ELOVL5: variants seen among roughly 807,000 people sequenced by gnomAD.
The protein encoded by ELOVL5 is very long chain fatty acid elongase 5.
In ELOVL5, 8 loss-of-function variants were observed where a neutral mutation model predicts 38.6. That is an observed-to-expected ratio of 0.21 (90% confidence interval 0.12 to 0.37). The LOEUF (loss-of-function observed/expected upper bound fraction) is 0.37. ELOVL5 is among the 10% of genes least tolerant of loss of function. The pLI, the probability that ELOVL5 is intolerant of heterozygous loss-of-function variation, is 1.00. For missense variants in ELOVL5, 280 were observed against 367.8 expected (o/e 0.76, Z 1.95); for synonymous variants, 127 against 133.7 (o/e 0.95, Z 0.34).
intron 1 of ELOVL5, among the ~76,000 whole-genome samples, chr6:53,314,231 CTTCAT>C (rs568878920): frequency 1.5e-3 from 222 of 152,256 alleles, no homozygotes; most frequent in African/African-American, 4.0e-3. Context: ...ATGATTTTTC[CTTCAT>C]TTCAATTCTC....
chr6:53,324,236 G>A lies in ELOVL5; in HGVS notation c.-9+24581C>T, dbSNP rs1256033339. 4.5e-5 allele frequency among the ~76,000 whole-genome samples: 5 copies of A among 110,954 alleles called. No homozygotes were observed. The East Asian group carries it at 1.0e-3, about 23-fold the overall frequency. The allele number at this position is 110,954 out of a possible 152,430, so 72.8% of individuals were successfully genotyped here. ...CTACTGCACTCCAGCCTGGGAGACA[G>A]AACGAGACTCTACCTCAAAAAAAAA... On this transcript the variant is annotated intron_variant, in intron 1 of 7. Coordinates refer to ENST00000304434, the MANE Select transcript of ELOVL5 (RefSeq NM_021814.5).
intron 1 of ELOVL5, among the ~76,000 whole-genome samples, chr6:53,304,699 C>T (rs1247076570): frequency 1.3e-5 from 2 of 152,244 alleles, no homozygotes; most frequent in East Asian, 1.9e-4. Context: ...TCCATTTAAC[C>T]CTGAGTGGAC....
Position 53,305,388 on chromosome 6 carries a change from C to A in ELOVL5, c.-8-9681G>T, listed in dbSNP as rs1230535135. Among the ~76,000 whole-genome samples the A allele has an allele frequency of 2.3e-3, 342 of 147,042 alleles. 54 individuals are homozygous for A. The highest frequency in any genetic ancestry group is 7.5e-3 in the African/African-American group (292 of 38,686). On this transcript the variant is annotated intron_variant, in intron 1 of 7. Transcript: ENST00000304434. ...TGGCCTGGCGGGGGCTGACCCCCCC[C>A]CACCTCCCTCCCGGGCGGGGTGGCT... is the stretch of plus-strand genomic sequence containing the variant.
chr6:53,317,401 C>A (rs1242476222), intron 1 of ELOVL5, among the ~76,000 whole-genome samples: 2 of 152,174 alleles, frequency 1.3e-5, no homozygotes, highest in East Asian at 3.8e-4. Context: ...ACCCAAATGT[C>A]CAACAACGAT....
rs76849952 is a variant in ELOVL5, at chr6:53,308,614, A to G, written c.-8-12907T>C. On this transcript the variant is annotated intron_variant, in intron 1 of 7. Transcript: ENST00000304434. The stretch of plus-strand genomic sequence containing the variant: ...ATTCTAATTCAATAGATGCTAGGAA[A>G]TATCTTTTTGAAAAGATCGTTAGGT... Among the ~76,000 whole-genome samples, 128 of 152,296 alleles carry G rather than the reference A, an allele frequency of 8.4e-4. No homozygotes were observed. In the East Asian group the frequency reaches 0.02, roughly 24 times the overall value.
chr6:53,311,572 AAAC>A (rs919743079), intron 1 of ELOVL5, among the ~76,000 whole-genome samples: 3 of 152,224 alleles, frequency 2.0e-5, no homozygotes, highest in African/African-American at 7.2e-5. Flanking sequence ...CAAAAAGTAA[AAAC>A]AACCCAAAAG....
intron 1 of ELOVL5, among the ~76,000 whole-genome samples, chr6:53,330,943 CAT>C (rs965195809): frequency 1.8e-4 from 27 of 152,188 alleles, no homozygotes; most frequent in Admixed American, 1.4e-3. Context: ...GGGGCAATAA[CAT>C]GTGATAACAA....
At chr6:53,318,970 A>G (rs1222941563) in intron 1 of ELOVL5, among the ~76,000 whole-genome samples, 1 of 152,198 alleles carries the variant, frequency 6.6e-6, no homozygotes, top group Non-Finnish European at 1.5e-5. Flanking sequence ...TCATGTGGAC[A>G]CTCAATTTTC....
At chr6:53,318,769 A>C (rs1048207056) in intron 1 of ELOVL5, among the ~76,000 whole-genome samples, 6 of 152,184 alleles carry the variant, frequency 3.9e-5, no homozygotes, top group Non-Finnish European at 8.8e-5. Flanking sequence ...AAAACAAAAA[A>C]GCACATACTC....
chr6:53,348,700 C>T, intron 1 of ELOVL5, 117 bp downstream of exon 1: 2 of 381,416 alleles, frequency 5.2e-6, no homozygotes, highest in Admixed American at 3.3e-5. Context: ...TCTTTCTCGG[C>T]ACCAGGTCCG....
chr6:53,296,255 A>G (rs1198429084), intron 1 of ELOVL5, among the ~76,000 whole-genome samples: 1 of 152,166 alleles, frequency 6.6e-6, no homozygotes, highest in Non-Finnish European at 1.5e-5. Flanking sequence ...CCTCAACCTC[A>G]ATCCCCAAGC....
At chr6:53,304,049 G>C (rs1472257744) in intron 1 of ELOVL5, among the ~76,000 whole-genome samples, 1 of 152,136 alleles carries the variant, frequency 6.6e-6, no homozygotes, top group Non-Finnish European at 1.5e-5. Context: ...AGATACTTCT[G>C]TGTTCAGGTA....
At chr6:53,274,004 G>A (rs1766017808) in intron 5 of ELOVL5, among the ~76,000 whole-genome samples, 2 of 152,188 alleles carry the variant, frequency 1.3e-5, no homozygotes, top group Non-Finnish European at 2.9e-5. Context: ...TGCAGTTGCA[G>A]GTGCACAGCC....
At chr6:53,337,262 T>TGCAGAG (rs1478771685) in intron 1 of ELOVL5, 7 of 152,266 alleles carry the variant, frequency 4.6e-5, no homozygotes, top group African/African-American at 1.7e-4. Context: ...GGCCCCTCGT[T>TGCAGAG]CATCCTGATG....
At chr6:53,291,681 C>T in intron 3 of ELOVL5, 95 bp downstream of exon 3, 1 of 1,005,154 alleles carries the variant, frequency 9.9e-7, no homozygotes, top group Admixed American at 2.5e-5. Context: ...TCTCTACACC[C>T]CAAGCGGCCA....
intron 4 of ELOVL5, 98 bp from the exon 5 acceptor site, chr6:53,275,359 A>T: frequency 7.6e-7 from 1 of 1,313,164 alleles, no homozygotes; most frequent in Admixed American, 1.8e-5. Flanking sequence ...TCTGATGTCA[A>T]CTCGGAGAAG....
chr6:53,301,585 G>A (rs193243415), intron 1 of ELOVL5, among the ~76,000 whole-genome samples: 1 of 152,004 alleles, frequency 6.6e-6, no homozygotes, highest in Non-Finnish European at 1.5e-5. Context: ...GGGCTTCCCA[G>A]AATTACAGGT....
At chr6:53,332,387 G>A (rs1029518345) in intron 1 of ELOVL5, among the ~76,000 whole-genome samples, 1 of 152,156 alleles carries the variant, frequency 6.6e-6, no homozygotes. Flanking sequence ...AAATGAGGAC[G>A]CTCCTCATGG....
At chr6:53,289,778 C>A (rs986590174) in intron 3 of ELOVL5, among the ~76,000 whole-genome samples, 1 of 152,170 alleles carries the variant, frequency 6.6e-6, no homozygotes, top group Non-Finnish European at 1.5e-5. Flanking sequence ...AAAAAGGACA[C>A]ATGACAATGG....
Sources: gnomAD v4.1 joint callset for allele counts (sites outside exome capture counted in the v4.1 genomes callset) on GRCh38, gnomAD v4.1.1 for gene constraint, MANE v1.5 for transcripts, NCBI Gene and HGNC (gene_info 2026-07-23, HGNC 2026-07-21) for gene names.